Variants in SLC5A12 observed in about 807,000 individuals in gnomAD.
SLC5A12 encodes solute carrier family 5 member 12.
Under a neutral mutation model 72.7 loss-of-function variants are expected in SLC5A12, and 46 were observed. The observed-to-expected ratio is 0.63, with a 90% CI of 0.50 to 0.81. The LOEUF is 0.81. SLC5A12 is among the 30% of genes least tolerant of loss of function. The pLI is 0.00. For synonymous variants in SLC5A12, 275 were observed against 264.4 expected, an observed-to-expected ratio of 1.04 and a Z score of -0.39; for missense variants, 683 against 740.7, an observed-to-expected ratio of 0.92 and a Z score of 0.90.
At position 26,675,374 on chromosome 11, in the gene SLC5A12, A is replaced by G. The variant is rs1590705461; in HGVS notation, c.1580-1845T>C. 5.9e-5 allele frequency among the ~76,000 whole-genome samples: 9 copies of G among 152,202 alleles called. No homozygotes were observed. In the South Asian group the frequency reaches 1.9e-3, roughly 31 times the overall value. The stretch of plus-strand genomic sequence containing the variant: ...CTCACAGGTAGGAAAGTTAAAAATG[A>G]AAATGAAACTCAAATTCTCAAACCA... On this transcript the variant is annotated intron_variant, in intron 13 of 14. Coordinates refer to ENST00000396005, the MANE Select transcript of SLC5A12 (RefSeq NM_178498.4).
intron 9 of SLC5A12, among the ~76,000 whole-genome samples, chr11:26,686,793 A>G (rs1242037494): frequency 6.6e-6 from 1 of 152,192 alleles, no homozygotes; most frequent in African/African-American, 2.4e-5. Context: ...CTCAAGGGTT[A>G]TCCTTCTAAG....
At chr11:26,674,191 T>TTTTTTTTTTTTTTTTTTTTTTTTTTGAG (rs1854211071) in intron 13 of SLC5A12, among the ~76,000 whole-genome samples, 1 of 152,044 alleles carries the variant, frequency 6.6e-6, no homozygotes, top group African/African-American at 2.4e-5. Flanking sequence ...ATGCAAATTT[T>TTTTTTTTTTTTTTTTTTTTTTTTTTGAG]AAGTCATAAA....
intron 11 of SLC5A12, among the ~76,000 whole-genome samples, chr11:26,682,717 T>A: frequency 6.6e-6 from 1 of 152,138 alleles, no homozygotes; most frequent in East Asian, 1.9e-4. Flanking sequence ...CTAACATAGA[T>A]AATAAATCAA....
intron 1 of SLC5A12, among the ~76,000 whole-genome samples, chr11:26,715,526 T>C (rs570342133): frequency 2.9e-4 from 44 of 152,296 alleles, no homozygotes; most frequent in African/African-American, 1.1e-3. Flanking sequence ...ACATTTTTAA[T>C]TGGCATCTTT....
Position 26,667,042 on chromosome 11 carries a change from A to G in SLC5A12, c.*4060T>C, listed in dbSNP as rs1854010666. On this transcript the variant is annotated 3_prime_UTR_variant, in exon 15 of 15. Coordinates refer to ENST00000396005, the MANE Select transcript of SLC5A12 (RefSeq NM_178498.4). ...TAATTTACTATCAATGACGAGTTACATTTTATTAGTTTATAAATTTGTATC... is the reference window on the plus strand; with the variant it reads ...TAATTTACTATCAATGACGAGTTACGTTTTATTAGTTTATAAATTTGTATC... The G allele has an allele frequency of 6.6e-6, 1 of 151,886 alleles. No individual in the cohort carries two copies. Among genetic ancestry groups the G allele is most frequent in the South Asian group, 2.1e-4 (1 of 4,834 alleles). 9.4% of individuals were successfully genotyped at this position (151,886 alleles called of 1,614,324 possible). A position where few individuals can be genotyped will look rare whatever the true frequency, so the allele number is the denominator to read the frequency against.
At position 26,671,146 on chromosome 11, in the gene SLC5A12, C is replaced by T. The variant is rs377518205; in HGVS notation, c.1813G>A (p.Asp605Asn). The change falls in exon 15 of 15, where the codon GAC (aspartate) becomes AAC (asparagine). Residue 605 changes from aspartate (D) to asparagine (N), a missense_variant. Physicochemically the swap from Asp to Asn is conservative, Grantham distance 23. Coordinates refer to ENST00000396005, the MANE Select transcript of SLC5A12 (RefSeq NM_178498.4). ...LVHVPGYDPKDKSYNNMAFET... is the reference protein window; with the variant it reads ...LVHVPGYDPKNKSYNNMAFET... ...AATGCCATATTGTTGTAGCTTTTGT[C>T]CTTAGGATCATAGCCTGGAACATGT... The T allele has an allele frequency of 6.2e-7, 1 of 1,612,178 alleles. No homozygotes were observed. The highest frequency in any genetic ancestry group is 1.3e-5 in the African/African-American group (1 of 74,654).
intron 6 of SLC5A12, 105 bp from the exon 7 acceptor site, chr11:26,698,640 G>T: frequency 9.2e-7 from 1 of 1,087,554 alleles, no homozygotes; most frequent in Non-Finnish European, 1.3e-6. Flanking sequence ...CTTTTTGCTA[G>T]TAAAATAAAA....
In SLC5A12 at chr11:26,721,517, C is replaced by G. The variant is rs763774969; in HGVS notation, c.198G>C (p.Thr66=). Residue 66 remains threonine, a synonymous_variant, in exon 1 of 15, where the codon ACG becomes ACC. Transcript: ENST00000396005. ...AGACTTCAGAAGGGGTCCCCAGGAC[C>G]GTGACAGCTGACATGAAGCTGGCTG... is the stretch of plus-strand genomic sequence containing the variant. ...SLTASFMSAV[T]VLGTPSEVYR... is the part of the protein sequence containing the mutation. 6.2e-7 allele frequency: 1 copy of G among 1,614,112 alleles called. No individual in the cohort carries two copies. Among genetic ancestry groups the G allele is most frequent in the East Asian group, 2.2e-5 (1 of 44,860 alleles).
intron 2 of SLC5A12, 104 bp downstream of exon 2, chr11:26,712,536 CT>C: frequency 3.1e-6 from 2 of 642,264 alleles, no homozygotes; most frequent in Non-Finnish European, 5.0e-6. Flanking sequence ...GTAGCGTCTT[CT>C]TAGTATTAAG....
chr11:26,718,464 A>G (rs1009171706), intron 1 of SLC5A12, among the ~76,000 whole-genome samples: 1 of 151,928 alleles, frequency 6.6e-6, no homozygotes, highest in African/African-American at 2.4e-5. Context: ...AGTCTTTTTT[A>G]TTTTATTTTT....
At chr11:26,679,560 G>A (rs1854342002) in intron 12 of SLC5A12, among the ~76,000 whole-genome samples, 1 of 152,128 alleles carries the variant, frequency 6.6e-6, no homozygotes, top group East Asian at 1.9e-4. Flanking sequence ...GGAGGAATAG[G>A]AGACACTAGT....
intron 9 of SLC5A12, among the ~76,000 whole-genome samples, chr11:26,687,301 TAAAC>T (rs1406662193): frequency 6.6e-6 from 1 of 152,104 alleles, no homozygotes; most frequent in Non-Finnish European, 1.5e-5. Flanking sequence ...TAATAACACA[TAAAC>T]AAAACAATAG....
chr11:26,678,465 C>T (rs1854314751), intron 13 of SLC5A12, among the ~76,000 whole-genome samples: 1 of 151,962 alleles, frequency 6.6e-6, no homozygotes, highest in Non-Finnish European at 1.5e-5. Context: ...CTGCAACCTC[C>T]ACCTTCTGGG....
At chr11:26,697,334 A>G (rs1418215464) in intron 7 of SLC5A12, 82 bp from the exon 8 acceptor site, 1 of 1,211,850 alleles carries the variant, frequency 8.3e-7, no homozygotes, top group African/African-American at 1.5e-5. Context: ...AAAAAATAGG[A>G]TTAGTGGTCT....
chr11:26,721,314 C>A, intron 1 of SLC5A12, 62 bp downstream of exon 1: 1 of 1,190,598 alleles, frequency 8.4e-7, no homozygotes, highest in Non-Finnish European at 1.2e-6. Context: ...CTTCAACTAC[C>A]AGGTGCTATC....
In SLC5A12 at chr11:26,721,663, A is replaced by C; in HGVS notation, c.52T>G (p.Phe18Val). The C allele has an allele frequency of 6.2e-7, 1 of 1,614,200 alleles. No homozygotes were observed. The highest frequency in any genetic ancestry group is 1.3e-5 in the African/African-American group (1 of 75,048). The change falls in exon 1 of 15, where the codon TTT becomes GTT. Residue 18 changes from phenylalanine (F) to valine (V), a missense_variant. Coordinates refer to ENST00000396005, the MANE Select transcript of SLC5A12 (RefSeq NM_178498.4). ...VWDYVVFAALFFISSGIGVFF... is the reference protein window; with the variant it reads ...VWDYVVFAALVFISSGIGVFF... ...ACCCCAATTCCAGAGGAAATGAAAAAGAGGGCTGCAAATACAACATAATCC... is the reference window on the plus strand; with the variant it reads ...ACCCCAATTCCAGAGGAAATGAAAACGAGGGCTGCAAATACAACATAATCC...
chr11:26,686,385 G>A lies in SLC5A12; in HGVS notation c.1221+92C>T. 3 of 1,127,994 alleles carry A rather than the reference G, an allele frequency of 2.7e-6. No homozygotes were observed. The East Asian group carries it at 7.1e-5, about 27-fold the overall frequency. 69.9% of individuals were successfully genotyped at this position (1,127,994 alleles called of 1,614,324 possible). ...TTGGAGCTGGTATCATTAAATGTCA[G>A]CCTTTGGATCTTGGAGGAAGAAGCA... On this transcript the variant is annotated intron_variant, in intron 10 of 14. Coordinates refer to ENST00000396005, the MANE Select transcript of SLC5A12 (RefSeq NM_178498.4).
At chr11:26,705,621 G>A (rs1460150975) in intron 4 of SLC5A12, among the ~76,000 whole-genome samples, 1 of 151,996 alleles carries the variant, frequency 6.6e-6, no homozygotes, top group African/African-American at 2.4e-5. Context: ...TTCACACATG[G>A]TTTGAGGTAT....
At chr11:26,719,004 T>G (rs183223612) in intron 1 of SLC5A12, among the ~76,000 whole-genome samples, 1 of 152,330 alleles carries the variant, frequency 6.6e-6, no homozygotes, top group East Asian at 1.9e-4. Flanking sequence ...ATACTTGTAC[T>G]AATTTATTAA....
Sources: allele counts gnomAD v4.1 joint callset (sites outside exome capture counted in the v4.1 genomes callset), GRCh38; gene constraint gnomAD v4.1.1; transcripts MANE v1.5; gene names NCBI Gene and HGNC (gene_info 2026-07-23, HGNC 2026-07-21).